The following TM7SF3 variants were observed in gnomAD, a reference collection of about 807,000 sequenced individuals.
The protein encoded by TM7SF3 is seven span transmembrane protein.
A neutral mutation model predicts 65.5 loss-of-function variants in TM7SF3; 60 were observed. That is an observed-to-expected ratio of 0.92 (90% CI 0.74 to 1.14). The LOEUF is 1.14. Among genes scored for constraint, TM7SF3 ranks in the 50% most tolerant of loss-of-function variants. The pLI, the probability that TM7SF3 is intolerant of heterozygous loss-of-function variation, is 0.00. For synonymous variants in TM7SF3, 264 were observed against 259.6 expected (o/e 1.02, Z -0.16); for missense variants, 623 against 684.8 (o/e 0.91, Z 1.01).
intron 6 of TM7SF3, among the ~76,000 whole-genome samples, chr12:26,988,227 A>G (rs995706341): frequency 6.6e-6 from 1 of 152,148 alleles, no homozygotes; most frequent in Non-Finnish European, 1.5e-5. Flanking sequence ...CAGAAGCACA[A>G]TCACGGCTCA....
At chr12:26,999,377 C>G in intron 3 of TM7SF3, 149 bp downstream of exon 3, 1 of 704,326 alleles carries the variant, frequency 1.4e-6, no homozygotes, top group Non-Finnish European at 2.2e-6. Flanking sequence ...GCCTGGGTGA[C>G]AGTGCGAGAC....
Position 26,974,120 on chromosome 12 carries a change from A to G in TM7SF3, c.1558T>C (p.Trp520Arg), listed in dbSNP as rs1272334575. 4 of 1,614,178 alleles carry G rather than the reference A, an allele frequency of 2.5e-6. No individual in the cohort carries two copies. Among genetic ancestry groups the G allele is most frequent in the Non-Finnish European group, 2.5e-6 (3 of 1,180,016 alleles). The change falls in exon 12 of 12, where the codon TGG (tryptophan) becomes CGG (arginine). Residue 520 changes from tryptophan to arginine, a missense_variant. Coordinates refer to ENST00000343028, the MANE Select transcript of TM7SF3 (RefSeq NM_016551.3). ...PFFPPHPYKL[W>R]KQERERRVTN... ...ACTCGGCGCTCTCTCTCTTGCTTCC[A>G]TAACTTGTATGGGTGGGGAGGGAAG...
In TM7SF3 at chr12:27,014,382, C is replaced by T. The variant is rs1037678912; in HGVS notation, c.-214G>A. 3 of 334,412 alleles carry T rather than the reference C, an allele frequency of 9.0e-6. No homozygotes were observed. In the East Asian group the frequency reaches 1.4e-4, roughly 16 times the overall value. 20.7% of individuals were successfully genotyped at this position (334,412 alleles called of 1,614,324 possible). A position where few individuals can be genotyped will look rare whatever the true frequency, so the allele number is the denominator to read the frequency against. On this transcript the variant is annotated 5_prime_UTR_variant, in exon 1 of 12. In the 5' UTR this introduces an upstream ATG that the reference lacks. Transcript: ENST00000343028. Reference sequence around the variant, plus strand: ...CAGCGAGAGGTTTCCTCTTCCGGCACCTGACCCCCAACGCGCGTTCCCGCG... The same window carrying T: ...CAGCGAGAGGTTTCCTCTTCCGGCATCTGACCCCCAACGCGCGTTCCCGCG...
In TM7SF3 at chr12:27,014,188, G is replaced by C. The variant is rs1237711056; in HGVS notation, c.-20C>G. The stretch of plus-strand genomic sequence containing the variant: ...CCCCATTGCTGCCTGGGCCGGGCTG[G>C]GCCCACGCCAGGGCTGGGGAGAGGT... On this transcript the variant is annotated 5_prime_UTR_variant, in exon 1 of 12. Transcript: ENST00000343028. 1.3e-6 allele frequency: 2 copies of C among 1,551,870 alleles called. No individual in the cohort carries two copies. Among genetic ancestry groups the C allele is most frequent in the Admixed American group, 2.0e-5 (1 of 51,072 alleles).
intron 1 of TM7SF3, among the ~76,000 whole-genome samples, chr12:27,004,994 GTTTT>G (rs1404412286): frequency 1.3e-5 from 2 of 151,994 alleles, no homozygotes; most frequent in Non-Finnish European, 2.9e-5. Flanking sequence ...GTGTGCACGT[GTTTT>G]TTCTTTTTAA....
At chr12:27,003,148 T>G (rs888572515) in intron 2 of TM7SF3, 88 bp downstream of exon 2, 26 of 894,124 alleles carry the variant, frequency 2.9e-5, no homozygotes, top group Non-Finnish European at 4.0e-5. Flanking sequence ...ATAAAAGAGA[T>G]AGAGATATCA....
chr12:26,991,970 G>T (rs1376839250), intron 5 of TM7SF3, among the ~76,000 whole-genome samples: 1 of 152,126 alleles, frequency 6.6e-6, no homozygotes, highest in East Asian at 1.9e-4. Flanking sequence ...AGGTAGATCT[G>T]ATTCTTAGGT....
At position 26,971,680 on chromosome 12, in the gene TM7SF3, T is replaced by C. The variant is rs1401691278; in HGVS notation, c.*2285A>G. 6.6e-6 allele frequency: 1 copy of C among 152,212 alleles called. No homozygotes were observed. The highest frequency in any genetic ancestry group is 1.5e-5 in the Non-Finnish European group (1 of 68,026). 9.4% of individuals were successfully genotyped at this position (152,212 alleles called of 1,614,324 possible). A position where few individuals can be genotyped will look rare whatever the true frequency, so the allele number is the denominator to read the frequency against. On this transcript the variant is annotated 3_prime_UTR_variant, in exon 12 of 12. Coordinates refer to ENST00000343028, the MANE Select transcript of TM7SF3 (RefSeq NM_016551.3). Reference sequence around the variant, plus strand: ...AATTAGTATCCTCCCTCCAAAATAGTGTGTTCTGTCTTTACAGTCTTCACT... The same window carrying C: ...AATTAGTATCCTCCCTCCAAAATAGCGTGTTCTGTCTTTACAGTCTTCACT...
Position 26,972,920 on chromosome 12 carries a change from T to C in TM7SF3, c.*1045A>G, listed in dbSNP as rs1192956525. Among the ~76,000 whole-genome samples, 1 of 152,014 alleles carries C rather than the reference T, an allele frequency of 6.6e-6. No homozygotes were observed. Among genetic ancestry groups the C allele is most frequent in the Non-Finnish European group, 1.5e-5 (1 of 67,986 alleles). On this transcript the variant is annotated 3_prime_UTR_variant, in exon 12 of 12. Transcript: ENST00000343028. ...CACCCTTATAAAATTCTATTATCTA[T>C]ATAAATTGGCCTATTTTCAAATAAT...
chr12:26,985,652 A>AAATATAT (rs1565872267), intron 6 of TM7SF3, among the ~76,000 whole-genome samples: 2 of 39,102 alleles, frequency 5.1e-5, no homozygotes, highest in Non-Finnish European at 8.7e-5. Context: ...AAAAAAAAAA[A>AAATATAT]ATATATATAT....
chr12:26,990,903 GAA>G (rs775253399), intron 5 of TM7SF3, among the ~76,000 whole-genome samples: 1 of 152,046 alleles, frequency 6.6e-6, no homozygotes, highest in African/African-American at 2.4e-5. Flanking sequence ...TTACGACCAT[GAA>G]AAAAGTTTTT....
intron 1 of TM7SF3, among the ~76,000 whole-genome samples, chr12:27,013,754 G>A (rs1941335033): frequency 6.6e-6 from 1 of 152,222 alleles, no homozygotes; most frequent in Admixed American, 6.5e-5. Flanking sequence ...CCACTGGGCA[G>A]CAAAGAGGCG....
chr12:27,012,801 C>T (rs1941295430), intron 1 of TM7SF3: 1 of 443,242 alleles, frequency 2.3e-6, no homozygotes. Context: ...AGTTCGAGAC[C>T]AGCCTGAACA....
intron 9 of TM7SF3, chr12:26,978,167 G>A: frequency 2.8e-6 from 1 of 352,188 alleles, no homozygotes; most frequent in South Asian, 2.2e-5. Context: ...CTTGAGCTAT[G>A]AGATAGTTCA....
rs1939455159 is a variant in TM7SF3 at position 26,973,847 on chromosome 12, T to G, written c.*118A>C. ...CCATATATCAATAAGGGCACCATAA[T>G]ATTATGCAAAGAACAGATATATATG... is the stretch of plus-strand genomic sequence containing the variant. On this transcript the variant is annotated 3_prime_UTR_variant, in exon 12 of 12. Transcript: ENST00000343028. 1 of 1,286,392 alleles carries G rather than the reference T, an allele frequency of 7.8e-7. No individual in the cohort carries two copies. Among genetic ancestry groups the G allele is most frequent in the Non-Finnish European group, 1.1e-6 (1 of 936,840 alleles). 79.7% of individuals were successfully genotyped at this position (1,286,392 alleles called of 1,614,324 possible).
chr12:26,975,012 T>C (rs1261755936), intron 11 of TM7SF3, among the ~76,000 whole-genome samples: 1 of 152,190 alleles, frequency 6.6e-6, no homozygotes, highest in African/African-American at 2.4e-5. Context: ...CTTCAAAAAA[T>C]TTATAGAAAA....
At chr12:26,984,845 T>C (rs1592280344) in intron 6 of TM7SF3, among the ~76,000 whole-genome samples, 1 of 152,220 alleles carries the variant, frequency 6.6e-6, no homozygotes, top group African/African-American at 2.4e-5. Context: ...AAGGAGTGAA[T>C]AGACTAGGAC....
In TM7SF3 at chr12:26,972,925, AT is replaced by A. The variant is rs908580790; in HGVS notation, c.*1039del. On this transcript the variant is annotated 3_prime_UTR_variant, in exon 12 of 12. Coordinates refer to ENST00000343028, the MANE Select transcript of TM7SF3 (RefSeq NM_016551.3). The stretch of plus-strand genomic sequence containing the variant: ...TTATAAAATTCTATTATCTATATAA[AT>A]TGGCCTATTTTCAAATAATAATTTA... 6.6e-6 allele frequency among the ~76,000 whole-genome samples: 1 copy of A among 152,176 alleles called. No individual in the cohort carries two copies. The highest frequency in any genetic ancestry group is 1.5e-5 in the Non-Finnish European group (1 of 68,022).
At position 26,979,958 on chromosome 12, in the gene TM7SF3, A is replaced by G. The variant is rs755496396; in HGVS notation, c.1037-22T>C. On this transcript the variant is annotated intron_variant, in intron 8 of 11. Coordinates refer to ENST00000343028, the MANE Select transcript of TM7SF3 (RefSeq NM_016551.3). ...TTCACTGTACAAAGAGAGAGGATGA[A>G]CTGCTGGATAACCGGCAGTACTTCC... 12 of 1,613,912 alleles carry G rather than the reference A, an allele frequency of 7.4e-6. No individual in the cohort carries two copies. The East Asian group carries it at 2.7e-4, about 36-fold the overall frequency.
Sources: gnomAD v4.1 joint callset for allele counts (sites outside exome capture counted in the v4.1 genomes callset) on GRCh38, gnomAD v4.1.1 for gene constraint, MANE v1.5 for transcripts, NCBI Gene and HGNC (gene_info 2026-07-23, HGNC 2026-07-21) for gene names.